Variants in PITPNC1 observed in about 807,000 individuals in gnomAD.
PITPNC1 encodes phosphatidylinositol transfer protein cytoplasmic 1, also known as cytoplasmic phosphatidylinositol transfer protein 1.
Under a neutral mutation model 44.7 loss-of-function variants are expected in PITPNC1, and 18 were observed. The ratio of observed to expected loss-of-function variants is 0.40; its 90% CI spans 0.28 to 0.60. The LOEUF (loss-of-function observed/expected upper bound fraction) is 0.60. Ranked by LOEUF, PITPNC1 falls within the 20% of genes least tolerant of loss-of-function variation. The pLI is 0.39. For missense variants in PITPNC1, 290 were observed against 418.4 expected (o/e 0.69, Z 2.68); for synonymous variants, 141 against 149.6 (o/e 0.94, Z 0.42).
At chr17:67,460,486 C>T (rs1334611744) in intron 1 of PITPNC1, among the ~76,000 whole-genome samples, 2 of 151,922 alleles carry the variant, frequency 1.3e-5, no homozygotes, top group Admixed American at 6.6e-5. Context: ...AGCAGTGGCC[C>T]GATCTCAGGT....
chr17:67,560,322 A>G (rs769767382), intron 4 of PITPNC1, among the ~76,000 whole-genome samples: 6 of 152,212 alleles, frequency 3.9e-5, no homozygotes, highest in Non-Finnish European at 8.8e-5. Flanking sequence ...ATTTTTTTCT[A>G]AATTTCAGTG....
At chr17:67,686,961 T>C (rs2042827049) in intron 8 of PITPNC1, 1 of 688,632 alleles carries the variant, frequency 1.5e-6, no homozygotes, top group Admixed American at 2.4e-5. Context: ...TCTCTGCTTT[T>C]TTAAACCTCC....
At chr17:67,407,562 G>A (rs1015967239) in intron 1 of PITPNC1, among the ~76,000 whole-genome samples, 1 of 152,064 alleles carries the variant, frequency 6.6e-6, no homozygotes, top group African/African-American at 2.4e-5. Context: ...CAGCACTTTG[G>A]GGGGCTGAGG....
At chr17:67,446,682 C>T (rs2039100530) in intron 1 of PITPNC1, among the ~76,000 whole-genome samples, 1 of 151,788 alleles carries the variant, frequency 6.6e-6, no homozygotes, top group Non-Finnish European at 1.5e-5. Context: ...ACCCCAAGTC[C>T]CCAGCAGAAT....
chr17:67,691,915 A>G (rs558586176), intron 8 of PITPNC1, among the ~76,000 whole-genome samples: 1 of 152,218 alleles, frequency 6.6e-6, no homozygotes, highest in African/African-American at 2.4e-5. Context: ...GCCCTAATGC[A>G]GGAGGATCAC....
intron 1 of PITPNC1, among the ~76,000 whole-genome samples, chr17:67,414,021 A>G (rs2038549288): frequency 6.6e-6 from 1 of 152,060 alleles, no homozygotes; most frequent in African/African-American, 2.4e-5. Context: ...ACCTTATTTG[A>G]ACACCTTTTT....
chr17:67,456,358 G>C (rs929831970), intron 1 of PITPNC1, among the ~76,000 whole-genome samples: 1 of 152,096 alleles, frequency 6.6e-6, no homozygotes, highest in Non-Finnish European at 1.5e-5. Context: ...TCTCGAGTCT[G>C]GGTTTTTAAA....
At chr17:67,588,140 A>G (rs1940513357) in intron 5 of PITPNC1, among the ~76,000 whole-genome samples, 1 of 152,256 alleles carries the variant, frequency 6.6e-6, no homozygotes, top group African/African-American at 2.4e-5. Flanking sequence ...AGTAGCTGGG[A>G]CTACAGGTGC....
chr17:67,495,037 G>GTTTTTTTTTTTT (rs2039925221), intron 1 of PITPNC1, among the ~76,000 whole-genome samples: 9 of 79,376 alleles, frequency 1.1e-4, no homozygotes, highest in Admixed American at 1.7e-4. Flanking sequence ...GAGCCATGGA[G>GTTTTTTTTTTTT]TTGTTTTTTT....
intron 1 of PITPNC1, among the ~76,000 whole-genome samples, chr17:67,436,742 T>G (rs1405196933): frequency 1.3e-5 from 2 of 151,950 alleles, no homozygotes; most frequent in Non-Finnish European, 2.9e-5. Flanking sequence ...CTTGGATTTG[T>G]GTGGATGGCT....
chr17:67,650,335 A>G (rs1015212332), intron 6 of PITPNC1, among the ~76,000 whole-genome samples: 1 of 151,514 alleles, frequency 6.6e-6, no homozygotes, highest in African/African-American at 2.4e-5. Flanking sequence ...GATTTTTCCC[A>G]GCTTCCTTCC....
At chr17:67,397,961 C>T (rs942658465) in intron 1 of PITPNC1, among the ~76,000 whole-genome samples, 3 of 152,096 alleles carry the variant, frequency 2.0e-5, no homozygotes, top group Admixed American at 2.0e-4. Context: ...GGCGTGGTGG[C>T]GGGCACCTGT....
intron 1 of PITPNC1, chr17:67,471,498 G>A (rs1197408970): frequency 2.9e-6 from 1 of 341,816 alleles, no homozygotes; most frequent in Non-Finnish European, 5.7e-6. Context: ...ATTTTATTAG[G>A]TTGGTGCAAA....
intron 5 of PITPNC1, among the ~76,000 whole-genome samples, chr17:67,584,519 C>T (rs1291568286): frequency 6.6e-6 from 1 of 151,864 alleles, no homozygotes; most frequent in Non-Finnish European, 1.5e-5. Context: ...TCACCATAAG[C>T]CTAAGGCTTG....
At chr17:67,524,186 T>C (rs2040366226) in intron 1 of PITPNC1, among the ~76,000 whole-genome samples, 2 of 152,196 alleles carry the variant, frequency 1.3e-5, no homozygotes, top group Admixed American at 1.3e-4. Context: ...CTTACACCTA[T>C]AATCCCAAAA....
chr17:67,460,740 C>CTTTTTTTTTTTTTT (rs138545288), intron 1 of PITPNC1, among the ~76,000 whole-genome samples: 3 of 121,534 alleles, frequency 2.5e-5, no homozygotes, highest in Non-Finnish European at 4.8e-5. Context: ...TTCTTTCTTT[C>CTTTTTTTTTTTTTT]TTTTTTTTTT....
intron 1 of PITPNC1, among the ~76,000 whole-genome samples, chr17:67,463,626 G>T (rs1317214760): frequency 6.6e-6 from 1 of 152,172 alleles, no homozygotes; most frequent in Non-Finnish European, 1.5e-5. Context: ...TTGGCTAGGC[G>T]CAGTGCCTCA....
chr17:67,434,224 T>C (rs1319402124), intron 1 of PITPNC1, among the ~76,000 whole-genome samples: 1 of 152,212 alleles, frequency 6.6e-6, no homozygotes, highest in East Asian at 1.9e-4. Flanking sequence ...ACCTCAGCTG[T>C]GGCACCACAG....
At position 67,464,341 on chromosome 17, in the gene PITPNC1, A is replaced by G. The variant is rs74522282; in HGVS notation, c.49-68461A>G. ...TAAGATCTTTTGAGCATCTAACATA[A>G]TAGTTATTCATAAAGACATTTAGGC... is the stretch of plus-strand genomic sequence containing the variant. On this transcript the variant is annotated intron_variant, in intron 1 of 8. Coordinates refer to ENST00000581322, the MANE Select transcript of PITPNC1 (RefSeq NM_012417.4). Among the ~76,000 whole-genome samples, 733 of 152,328 alleles carry G rather than the reference A, an allele frequency of 4.8e-3. 8 individuals are homozygous for G. Among genetic ancestry groups the G allele is most frequent in the African/African-American group, 0.017 (715 of 41,576 alleles).
Sources: gnomAD v4.1 joint callset for allele counts (sites outside exome capture counted in the v4.1 genomes callset) on GRCh38, gnomAD v4.1.1 for gene constraint, MANE v1.5 for transcripts, NCBI Gene and HGNC (gene_info 2026-07-23, HGNC 2026-07-21) for gene names.